Variants in CDH3 observed in about 807,000 individuals in gnomAD.
CDH3 encodes the protein cadherin-3.
A neutral mutation model predicts 82.0 loss-of-function variants in CDH3; 54 were observed. The observed-to-expected ratio is 0.66, with a 90% CI of 0.53 to 0.83. CDH3 has a LOEUF of 0.83. Among genes scored for constraint, CDH3 ranks in the 40% least tolerant of loss-of-function variants. The pLI, the probability that CDH3 is intolerant of heterozygous loss-of-function variation, is 0.00. For missense variants in CDH3, 1,054 were observed against 1,084.6 expected (o/e 0.97, Z 0.40); for synonymous variants, 446 against 437.9 (o/e 1.02, Z -0.23).
At position 68,668,141 on chromosome 16, in the gene CDH3, T is replaced by C. The variant is rs537268260; in HGVS notation, c.161-8244T>C. The stretch of plus-strand genomic sequence containing the variant: ...ACTGAGGCTAATGCGGTCAAATGAC[T>C]GTCTGAAGCCCTGGATGGGTGTGGA... On this transcript the variant is annotated intron_variant, in intron 2 of 15. Coordinates refer to ENST00000264012, the MANE Select transcript of CDH3 (RefSeq NM_001793.6). Among the ~76,000 whole-genome samples the C allele has an allele frequency of 1.4e-4, 22 of 152,362 alleles. No individual in the cohort carries two copies. The East Asian group carries it at 2.7e-3, about 19-fold the overall frequency.
chr16:68,700,356 C>T (rs1961872493), downstream of CDH3: 1 of 152,246 alleles, frequency 6.6e-6, no homozygotes, highest in Non-Finnish European at 1.5e-5. Flanking sequence ...GTTATCGGTG[C>T]CACCTGCTGA....
At chr16:68,711,272 G>C (rs1473095096) in intron 1 of CDH3, among the ~76,000 whole-genome samples, 1 of 152,016 alleles carries the variant, frequency 6.6e-6, no homozygotes, top group East Asian at 1.9e-4. Flanking sequence ...TTGCGGCATT[G>C]CACTCCAGCC....
intron 13 of CDH3, among the ~76,000 whole-genome samples, chr16:68,693,130 A>G (rs894366038): frequency 6.6e-6 from 1 of 152,200 alleles, no homozygotes; most frequent in Non-Finnish European, 1.5e-5. Flanking sequence ...AAAAGAAAGT[A>G]GGAAATTAGG....
downstream of CDH3, among the ~76,000 whole-genome samples, chr16:68,732,418 C>T (rs1962302483): frequency 6.6e-6 from 1 of 152,198 alleles, no homozygotes; most frequent in Admixed American, 6.5e-5. Flanking sequence ...TCTTTAGCCT[C>T]CAGGCAGGCC....
chr16:68,732,910 C>T, the CDH3 span, among the ~76,000 whole-genome samples: 120,687 of 149,800 alleles, frequency 0.81, 49,371 homozygotes, highest in Non-Finnish European at 0.89. Context: ...AAAGAATTTT[C>T]TCCAGTAGAT....
intron 2 of CDH3, among the ~76,000 whole-genome samples, chr16:68,666,147 A>G (rs1385060296): frequency 1.3e-5 from 2 of 151,762 alleles, no homozygotes; most frequent in Non-Finnish European, 2.9e-5. Context: ...TTGCCTCCCC[A>G]GTATCCCAGC....
intron 1 of CDH3, among the ~76,000 whole-genome samples, chr16:68,715,358 C>T (rs943089685): frequency 1.3e-5 from 2 of 149,614 alleles, no homozygotes; most frequent in South Asian, 2.1e-4. Flanking sequence ...ACCTGGGAGA[C>T]GGAGGTTGCA....
chr16:68,682,687 A>G (rs117212081), intron 9 of CDH3, among the ~76,000 whole-genome samples, 200 bp downstream of exon 9: 384 of 152,310 alleles, frequency 2.5e-3, no homozygotes, highest in Middle Eastern at 6.8e-3. Flanking sequence ...CTTCATAAAT[A>G]GGTAAGAGTC....
At chr16:68,665,937 A>C (rs1276255630) in intron 2 of CDH3, among the ~76,000 whole-genome samples, 1 of 152,210 alleles carries the variant, frequency 6.6e-6, no homozygotes, top group Non-Finnish European at 1.5e-5. Flanking sequence ...ATTCTGATTG[A>C]AAATCAAATA....
At chr16:68,711,385 G>A (rs1169343719) in intron 1 of CDH3, among the ~76,000 whole-genome samples, 1 of 152,112 alleles carries the variant, frequency 6.6e-6, no homozygotes, top group African/African-American at 2.4e-5. Flanking sequence ...AGAAAGAGCA[G>A]GTGTGAGGAG....
rs1357978873 is a variant in CDH3, at chr16:68,698,861, T to G, written c.*461T>G. The G allele has an allele frequency of 5.9e-6, 1 of 169,012 alleles. No individual in the cohort carries two copies. Among genetic ancestry groups the G allele is most frequent in the Non-Finnish European group, 1.3e-5 (1 of 78,458 alleles). The allele number at this position is 169,012 out of a possible 1,614,324, so 10.5% of individuals were successfully genotyped here. ...GAGCTGCTGGGCCCACTGGCCGTCC[T>G]GCATTTCTGGTTTCCAGACCCCAAT... On this transcript the variant is annotated 3_prime_UTR_variant, in exon 16 of 16. Coordinates refer to ENST00000264012, the MANE Select transcript of CDH3 (RefSeq NM_001793.6).
chr16:68,716,215 A>AG (rs1962093221), intron 1 of CDH3, among the ~76,000 whole-genome samples: 3 of 150,706 alleles, frequency 2.0e-5, no homozygotes, highest in South Asian at 4.2e-4. Flanking sequence ...TTGCAGTGAG[A>AG]GAAAAAAAAA....
intron 12 of CDH3, 54 bp from the exon 13 acceptor site, chr16:68,691,666 T>C (rs1280612226): frequency 6.5e-6 from 9 of 1,393,750 alleles, no homozygotes; most frequent in Admixed American, 3.3e-5. Flanking sequence ...CATGGTGTAC[T>C]CAGATCCCCG....
intron 2 of CDH3, among the ~76,000 whole-genome samples, chr16:68,726,601 C>T (rs533012188): frequency 4.3e-5 from 6 of 138,814 alleles, no homozygotes; most frequent in Non-Finnish European, 9.2e-5. Flanking sequence ...TTTTTTGAGA[C>T]AGAGTCTCGC....
In CDH3 at chr16:68,681,841, AT is replaced by A. The variant is rs200610061; in HGVS notation, c.997-460del. ...CGGCAGACTGAGACTGTCTAAAAAA[AT>A]AAAATAAAAATAAATAAATAAATTT... On this transcript the variant is annotated intron_variant, in intron 8 of 15. Coordinates refer to ENST00000264012, the MANE Select transcript of CDH3 (RefSeq NM_001793.6). Among the ~76,000 whole-genome samples, 1,374 of 152,318 alleles carry A rather than the reference AT, an allele frequency of 9.0e-3. 20 individuals carry two copies. Among genetic ancestry groups the A allele is most frequent in the African/African-American group, 0.03 (1,261 of 41,552 alleles).
At chr16:68,685,063 C>T (rs1262289005) in intron 10 of CDH3, 142 bp from the exon 11 acceptor site, 22 of 1,130,824 alleles carry the variant, frequency 1.9e-5, no homozygotes, top group East Asian at 7.3e-5. Context: ...TTTAGGTCCC[C>T]GTTTATGGGC....
At chr16:68,648,026 C>T (rs1400610863) in intron 2 of CDH3, among the ~76,000 whole-genome samples, 1 of 152,176 alleles carries the variant, frequency 6.6e-6, no homozygotes, top group Non-Finnish European at 1.5e-5. Context: ...CCCTTCAAAG[C>T]CCTTTTGCAA....
chr16:68,656,296 C>T (rs1454630655), intron 2 of CDH3, among the ~76,000 whole-genome samples: 1 of 152,268 alleles, frequency 6.6e-6, no homozygotes, highest in African/African-American at 2.4e-5. Context: ...TATTGGCCCC[C>T]ACTCCCAGCA....
chr16:68,723,708 AT>A (rs1962187941), intron 2 of CDH3, among the ~76,000 whole-genome samples: 1 of 152,194 alleles, frequency 6.6e-6, no homozygotes. Flanking sequence ...AGGTGGGTGG[AT>A]CACTTGAGTT....
Sources: gnomAD v4.1 joint callset for allele counts (sites outside exome capture counted in the v4.1 genomes callset) on GRCh38, gnomAD v4.1.1 for gene constraint, MANE v1.5 for transcripts, NCBI Gene and HGNC (gene_info 2026-07-23, HGNC 2026-07-21) for gene names.